PAK5: variants seen among roughly 807,000 people sequenced by gnomAD.
PAK5 encodes the protein p21 (RAC1) activated kinase 5, also known as serine/threonine-protein kinase PAK 5.
A neutral mutation model predicts 65.9 loss-of-function variants in PAK5; 16 were observed. The ratio of observed to expected loss-of-function variants is 0.24; its 90% CI spans 0.16 to 0.37. The LOEUF is 0.37. Ranked by LOEUF, PAK5 falls within the 10% of genes least tolerant of loss-of-function variation. PAK5 has a pLI of 1.00. For missense variants in PAK5, 785 were observed against 903.9 expected (o/e 0.87, Z 1.69); for synonymous variants, 371 against 354.9 (o/e 1.05, Z -0.51).
intron 1 of PAK5, among the ~76,000 whole-genome samples, chr20:9,723,366 A>G (rs752475578): frequency 2.0e-5 from 3 of 152,164 alleles, no homozygotes; most frequent in Non-Finnish European, 2.9e-5. Flanking sequence ...GAGCATCAAG[A>G]TGGATAGGAG....
At chr20:9,834,396 G>A (rs991141240) in intron 1 of PAK5, among the ~76,000 whole-genome samples, 8 of 152,050 alleles carry the variant, frequency 5.3e-5, no homozygotes, top group African/African-American at 1.4e-4. Context: ...ACAATTAAAC[G>A]AAATAAAACA....
chr20:9,568,440 T>C (rs1246096356), intron 4 of PAK5, among the ~76,000 whole-genome samples: 1 of 152,074 alleles, frequency 6.6e-6, no homozygotes, highest in Non-Finnish European at 1.5e-5. Context: ...TTTAATGAGA[T>C]GAGGAATCCA....
chr20:9,811,980 C>T (rs1401582335), intron 1 of PAK5, among the ~76,000 whole-genome samples: 3 of 152,164 alleles, frequency 2.0e-5, no homozygotes, highest in Non-Finnish European at 4.4e-5. Context: ...ATAGCACCTA[C>T]ATCATATACA....
In PAK5 at chr20:9,580,808, A is replaced by ACGCG. The variant is rs763993149; in HGVS notation, c.326_327insCGCG (p.Gln110AlafsTer32). The ACGCG allele has an allele frequency of 4.9e-5, 79 of 1,613,756 alleles. No individual in the cohort carries two copies. The highest frequency in any genetic ancestry group is 3.8e-5 in the Non-Finnish European group (45 of 1,179,964). Reference sequence around the variant, plus strand: ...CTGGACCGTGGCTGGAGGCTCCCTGATCTGGGGTGGGTGGGCTTTCTTTCC... The same window carrying ACGCG: ...CTGGACCGTGGCTGGAGGCTCCCTGACGCGTCTGGGGTGGGTGGGCTTTCTTTCC... On this transcript the variant is annotated frameshift_variant, in exon 4 of 10. Transcript: ENST00000353224. LOFTEE classifies it high-confidence loss of function.
intron 3 of PAK5, among the ~76,000 whole-genome samples, chr20:9,606,928 A>G (rs2046465780): frequency 6.6e-6 from 1 of 152,192 alleles, no homozygotes; most frequent in East Asian, 1.9e-4. Context: ...CCAAGAGATA[A>G]TTTCCTTCTG....
chr20:9,693,153 T>C (rs1284820229), intron 2 of PAK5, among the ~76,000 whole-genome samples: 2 of 152,044 alleles, frequency 1.3e-5, no homozygotes, highest in Non-Finnish European at 2.9e-5. Flanking sequence ...AATAAGTCAT[T>C]TATGATAAGA....
At chr20:9,710,605 G>A (rs1389596571) in intron 2 of PAK5, among the ~76,000 whole-genome samples, 2 of 152,098 alleles carry the variant, frequency 1.3e-5, no homozygotes, top group Non-Finnish European at 2.9e-5. Context: ...AGCACCCTGC[G>A]TGGGGGGTAG....
intron 3 of PAK5, among the ~76,000 whole-genome samples, chr20:9,607,483 G>C (rs1024347136): frequency 1.3e-5 from 2 of 152,188 alleles, no homozygotes; most frequent in Admixed American, 6.5e-5. Context: ...TGATAAATAA[G>C]TGGCAGTAAG....
At chr20:9,734,296 T>A (rs2048365470) in intron 1 of PAK5, among the ~76,000 whole-genome samples, 1 of 152,168 alleles carries the variant, frequency 6.6e-6, no homozygotes, top group Non-Finnish European at 1.5e-5. Context: ...GCCAAAGGTC[T>A]GTTTGGAAAA....
chr20:9,611,509 CT>C (rs2046559485), intron 3 of PAK5, among the ~76,000 whole-genome samples: 1 of 152,174 alleles, frequency 6.6e-6, no homozygotes. Flanking sequence ...ATCAAAAGCT[CT>C]TTTCTTGTCA....
intron 1 of PAK5, among the ~76,000 whole-genome samples, chr20:9,822,274 AGAGT>A (rs1600411586): frequency 7.1e-6 from 1 of 140,094 alleles, no homozygotes; most frequent in East Asian, 2.1e-4. Context: ...GGGTAACAAC[AGAGT>A]GAGATCTGTC....
At chr20:9,644,074 A>C in intron 3 of PAK5, 51 bp downstream of exon 3, 1 of 1,406,286 alleles carries the variant, frequency 7.1e-7, no homozygotes, top group Non-Finnish European at 1.0e-6. Flanking sequence ...GCAGTGCATT[A>C]AATAAGAGCA....
At chr20:9,748,233 A>G (rs975132358) in intron 1 of PAK5, among the ~76,000 whole-genome samples, 4 of 152,198 alleles carry the variant, frequency 2.6e-5, no homozygotes, top group African/African-American at 4.8e-5. Context: ...GGTAGGAAGA[A>G]TCAATATCAT....
intron 3 of PAK5, among the ~76,000 whole-genome samples, chr20:9,632,836 A>C (rs146471389): frequency 1.4e-3 from 216 of 152,336 alleles, no homozygotes; most frequent in African/African-American, 5.0e-3. Context: ...TCATGCCCAA[A>C]CATACTTATT....
intron 8 of PAK5, among the ~76,000 whole-genome samples, chr20:9,543,033 T>C (rs2045291779): frequency 6.6e-6 from 1 of 152,202 alleles, no homozygotes; most frequent in South Asian, 2.1e-4. Flanking sequence ...GATGAGAAAA[T>C]CATCCGGTTT....
intron 7 of PAK5, 144 bp from the exon 8 acceptor site, chr20:9,544,638 C>T (rs2045316273): frequency 2.8e-6 from 2 of 712,680 alleles, no homozygotes; most frequent in South Asian, 1.9e-5. Context: ...GACTGTCAGA[C>T]CCTTTTATTG....
At chr20:9,703,552 A>AATGCTAC (rs1432533169) in intron 2 of PAK5, among the ~76,000 whole-genome samples, 3 of 152,066 alleles carry the variant, frequency 2.0e-5, no homozygotes, top group Non-Finnish European at 4.4e-5. Flanking sequence ...GCTAAGTGAA[A>AATGCTAC]ATGCTACATA....
At chr20:9,599,248 T>C (rs1403111609) in intron 3 of PAK5, among the ~76,000 whole-genome samples, 1 of 152,252 alleles carries the variant, frequency 6.6e-6, no homozygotes, top group Non-Finnish European at 1.5e-5. Flanking sequence ...TGTTTATCCA[T>C]TCATTCATCT....
chr20:9,781,682 G>A (rs2048941815), intron 1 of PAK5, among the ~76,000 whole-genome samples: 1 of 147,778 alleles, frequency 6.8e-6, no homozygotes, highest in African/African-American at 2.5e-5. Context: ...CTTCCTTTTA[G>A]TTCTCGTGCC....
Sources: gnomAD v4.1 joint callset for allele counts (sites outside exome capture counted in the v4.1 genomes callset) on GRCh38, gnomAD v4.1.1 for gene constraint, MANE v1.5 for transcripts, NCBI Gene and HGNC (gene_info 2026-07-23, HGNC 2026-07-21) for gene names.